The following NHSL2 variants were observed in gnomAD, a reference collection of about 807,000 sequenced individuals.
NHSL2 encodes NHS like 2.
Under a neutral mutation model 53.4 loss-of-function variants are expected in NHSL2, and 27 were observed. The ratio of observed to expected loss-of-function variants is 0.51; its 90% confidence interval spans 0.37 to 0.70. NHSL2 has a LOEUF of 0.70. Among genes scored for constraint, NHSL2 ranks in the 30% least tolerant of loss-of-function variants. The pLI, the probability that NHSL2 is intolerant of heterozygous loss-of-function variation, is 0.00. For missense variants in NHSL2, 892 were observed against 980.1 expected (o/e 0.91, Z 1.20); for synonymous variants, 408 against 404.1 (o/e 1.01, Z -0.12).
At chrX:72,002,033 G>A (rs927886353) in intron 1 of NHSL2, among the ~76,000 whole-genome samples, 4 of 112,863 alleles carry the variant, frequency 3.5e-5, no homozygotes, top group Admixed American at 2.8e-4. Context: ...GTGCTAACAT[G>A]TAGCAATTAG....
At chrX:71,976,482 A>G (rs766656726) in intron 1 of NHSL2, among the ~76,000 whole-genome samples, 1 of 111,929 alleles carries the variant, frequency 8.9e-6, no homozygotes, top group South Asian at 3.7e-4. Flanking sequence ...AAAGGCTCCA[A>G]TGCCTCTTAA....
At chrX:72,046,057 A>C (rs1406773495) in intron 1 of NHSL2, among the ~76,000 whole-genome samples, 1 of 111,975 alleles carries the variant, frequency 8.9e-6, no homozygotes, top group African/African-American at 3.3e-5. Context: ...GAAAATCAAG[A>C]CTGTCTCATG....
intron 1 of NHSL2, among the ~76,000 whole-genome samples, chrX:71,960,655 G>A (rs762861360): frequency 5.4e-4 from 61 of 112,239 alleles, no homozygotes; most frequent in Admixed American, 9.4e-4. Flanking sequence ...CCATTGAATG[G>A]TGTTGACACT....
chrX:72,132,584 C>G (rs1368847729), intron 2 of NHSL2, among the ~76,000 whole-genome samples: 2 of 110,020 alleles, frequency 1.8e-5, no homozygotes, highest in African/African-American at 6.7e-5. Context: ...TGCCACATCG[C>G]CCATGCCTTT....
intron 1 of NHSL2, among the ~76,000 whole-genome samples, chrX:72,015,905 A>C (rs1162614028): frequency 8.9e-6 from 1 of 112,213 alleles, no homozygotes; most frequent in African/African-American, 3.2e-5. Flanking sequence ...CATACATTTC[A>C]AATATATTTC....
At chrX:71,954,885 C>G (rs2041836169) in intron 1 of NHSL2, among the ~76,000 whole-genome samples, 1 of 112,438 alleles carries the variant, frequency 8.9e-6, no homozygotes, top group African/African-American at 3.2e-5. Flanking sequence ...TTTGTCCCCA[C>G]TTCCTTTCCA....
At chrX:71,978,633 T>C (rs1471547254) in intron 1 of NHSL2, among the ~76,000 whole-genome samples, 2 of 111,269 alleles carry the variant, frequency 1.8e-5, no homozygotes, top group African/African-American at 6.5e-5. Flanking sequence ...CTTATATTTC[T>C]GTTAGGCTGG....
intron 1 of NHSL2, among the ~76,000 whole-genome samples, chrX:71,976,186 A>T (rs1290765599): frequency 7.1e-5 from 8 of 111,964 alleles, no homozygotes; most frequent in Non-Finnish European, 1.3e-4. Flanking sequence ...TTGCCTCAAA[A>T]TAACAGAGTC....
In NHSL2 at chrX:71,911,014, G is replaced by A. The variant is rs1260185721; in HGVS notation, c.-74G>A. 1.2e-6 allele frequency: 1 copy of A among 843,184 alleles called. No individual in the cohort carries two copies. Among genetic ancestry groups the A allele is most frequent in the East Asian group, 4.6e-5 (1 of 21,948 alleles). The allele number at this position is 843,184 out of a possible 1,213,427, so 69.5% of individuals were successfully genotyped here. Reference sequence around the variant, plus strand: ...CTGGGGCCGCCGCTCAGGGGCGCTCGGGCCAGGGGCGCTGCTCGGGGTGAG... The same window carrying A: ...CTGGGGCCGCCGCTCAGGGGCGCTCAGGCCAGGGGCGCTGCTCGGGGTGAG... On this transcript the variant is annotated 5_prime_UTR_variant, in exon 1 of 8. Transcript: ENST00000633930.
At chrX:71,970,238 A>G (rs1049500668) in intron 1 of NHSL2, among the ~76,000 whole-genome samples, 1 of 111,752 alleles carries the variant, frequency 8.9e-6, no homozygotes, top group East Asian at 2.8e-4. Context: ...TGGCTTTGGT[A>G]TCAGAATAAT....
At chrX:72,111,067 T>C (rs1026712990) in intron 1 of NHSL2, among the ~76,000 whole-genome samples, 6 of 112,902 alleles carry the variant, frequency 5.3e-5, no homozygotes, top group Middle Eastern at 8.3e-3. Context: ...ATGGAGGTTA[T>C]GTGCAATGTT....
chrX:71,936,483 A>G (rs1464255449), intron 1 of NHSL2, among the ~76,000 whole-genome samples: 1 of 112,688 alleles, frequency 8.9e-6, no homozygotes, highest in Non-Finnish European at 1.9e-5. Context: ...AAAGAGCCCA[A>G]TAGTTTTTAA....
intron 1 of NHSL2, among the ~76,000 whole-genome samples, chrX:72,014,431 ACTT>A (rs1039943788): frequency 9.0e-6 from 1 of 110,789 alleles, no homozygotes; most frequent in African/African-American, 3.3e-5. Context: ...GGAGCTATAA[ACTT>A]CTTTTTAAGC....
chrX:71,920,428 C>T (rs1207857783), intron 1 of NHSL2, among the ~76,000 whole-genome samples: 1 of 110,287 alleles, frequency 9.1e-6, no homozygotes, highest in Non-Finnish European at 1.9e-5. Context: ...AAACAAAGTC[C>T]TCTGTAATCA....
intron 1 of NHSL2, among the ~76,000 whole-genome samples, chrX:72,060,713 A>G (rs745472671): frequency 2.7e-5 from 3 of 112,545 alleles, no homozygotes; most frequent in Admixed American, 9.3e-5. Context: ...CCCAACCTCC[A>G]GGAGATGCCC....
chrX:72,099,708 A>G (rs1036719812), intron 1 of NHSL2, among the ~76,000 whole-genome samples: 4 of 110,612 alleles, frequency 3.6e-5, no homozygotes, highest in Non-Finnish European at 7.5e-5. Flanking sequence ...TAAAAAGTAA[A>G]AAGAAAAAGG....
chrX:72,085,595 C>A (rs1253852216), intron 1 of NHSL2, among the ~76,000 whole-genome samples: 3 of 111,319 alleles, frequency 2.7e-5, no homozygotes. Flanking sequence ...TTTAAAATGT[C>A]AGCCTTATTC....
chrX:72,145,225 G>C lies in NHSL2; in HGVS notation c.*1651G>C, dbSNP rs6418453. 9.1e-6 allele frequency: 1 copy of C among 110,442 alleles called. No homozygotes were observed. Among genetic ancestry groups the C allele is most frequent in the Non-Finnish European group, 1.9e-5 (1 of 53,018 alleles). 9.1% of individuals were successfully genotyped at this position (110,442 alleles called of 1,213,427 possible). On this transcript the variant is annotated 3_prime_UTR_variant, in exon 8 of 8. Transcript: ENST00000633930. ...AAGCAGATCTCAACTTTGATAGGTC[G>C]TATTGCCCAATGAGAAGCCACCTTT... is the stretch of plus-strand genomic sequence containing the variant.
intron 1 of NHSL2, among the ~76,000 whole-genome samples, chrX:71,932,055 G>A (rs1029663279): frequency 2.7e-5 from 3 of 112,339 alleles, no homozygotes; most frequent in African/African-American, 9.7e-5. Context: ...AATTAGCCAT[G>A]GCCCTTGCCT....
Sources: gnomAD v4.1 joint callset for allele counts (sites outside exome capture counted in the v4.1 genomes callset) on GRCh38, gnomAD v4.1.1 for gene constraint, MANE v1.5 for transcripts, NCBI Gene and HGNC (gene_info 2026-07-23, HGNC 2026-07-21) for gene names.